Variants in KLHL35 observed in about 807,000 individuals in gnomAD.
KLHL35 encodes kelch-like protein 35.
KLHL35 carries 50 observed loss-of-function variants against 44.0 expected under a neutral mutation model. That is an observed-to-expected ratio of 1.14 (90% CI 0.91 to 1.44). The LOEUF (loss-of-function observed/expected upper bound fraction) is 1.44. Among genes scored for constraint, KLHL35 ranks in the 40% most tolerant of loss-of-function variants. The pLI, the probability that KLHL35 is intolerant of heterozygous loss-of-function variation, is 0.00. For synonymous variants in KLHL35, 470 were observed against 410.4 expected, an observed-to-expected ratio of 1.15 and a Z score of -1.76; for missense variants, 1,049 against 887.8, an observed-to-expected ratio of 1.18 and a Z score of -2.31.
Position 75,428,513 on chromosome 11 carries a change from A to C in KLHL35, c.995T>G (p.Leu332Arg), listed in dbSNP as rs1250635918. 2.0e-5 allele frequency: 33 copies of C among 1,612,338 alleles called. No individual in the cohort carries two copies. Among genetic ancestry groups the C allele is most frequent in the Non-Finnish European group, 2.8e-5 (33 of 1,179,892 alleles). The stretch of plus-strand genomic sequence containing the variant: ...GCGAGTGTAGCCGGGCAGGCTGGGC[A>C]GTGGGGTCCACCGCTGGCTCTCTGG... ...YHPESQRWTPLPSLPGYTRSE... is the reference protein window; with the variant it reads ...YHPESQRWTPRPSLPGYTRSE... Residue 332 changes from leucine to arginine, a missense_variant, in exon 3 of 7, where the codon CTG becomes CGG. Leu to Arg is a moderately radical substitution (Grantham distance 102). Transcript: ENST00000539798.
At chr11:75,422,903 C>T (rs1186126422) in intron 6 of KLHL35, 135 bp from the exon 7 acceptor site, 1 of 750,120 alleles carries the variant, frequency 1.3e-6, no homozygotes, top group Non-Finnish European at 2.2e-6. Flanking sequence ...AGGCAGGAAA[C>T]TGGATGGACC....
chr11:75,425,264 A>G, intron 5 of KLHL35, 129 bp downstream of exon 5: 2 of 1,003,696 alleles, frequency 2.0e-6, no homozygotes, highest in Admixed American at 7.2e-5. Flanking sequence ...CATGGAGGTG[A>G]CTGGTCTGGG....
chr11:75,423,732 G>A lies in KLHL35; in HGVS notation c.1523C>T (p.Thr508Ile). The change falls in exon 6 of 7, where the codon ACA (threonine) becomes ATA (isoleucine). Residue 508 changes from threonine to isoleucine, a missense_variant. By Grantham distance (89) the Thr-to-Ile change is moderately conservative. Coordinates refer to ENST00000539798, the MANE Select transcript of KLHL35 (RefSeq NM_001039548.3). ...MSKIFTYDPG[T>I]DVWGEAAVLP... ...GACAGCTGCCTCCCCCCACACATCT[G>A]TGCCTGGATCATAGGTGAAGATTTT... 2 of 1,613,844 alleles carry A rather than the reference G, an allele frequency of 1.2e-6. No homozygotes were observed. Among genetic ancestry groups the A allele is most frequent in the Non-Finnish European group, 1.7e-6 (2 of 1,179,866 alleles).
At position 75,430,307 on chromosome 11, in the gene KLHL35, T is replaced by C. The variant is rs1167149484; in HGVS notation, c.323A>G (p.Asp108Gly). ...GAAAALAVVL[D>G]YVYGAGVRLR... is the part of the protein sequence containing the mutation. ...CCGCACGCCCGCTCCGTACACGTAG[T>C]CGAGCACCACGGCCAGCGCCGCCGC... Residue 108 changes from aspartate (D) to glycine (G), a missense_variant, in exon 2 of 7, where the codon GAC (aspartate) becomes GGC (glycine). Physicochemically the swap from Asp to Gly is moderately conservative, Grantham distance 94. Transcript: ENST00000539798. 3 of 1,246,280 alleles carry C rather than the reference T, an allele frequency of 2.4e-6. No individual in the cohort carries two copies. In the Admixed American group the frequency reaches 1.3e-4, roughly 53 times the overall value. 77.2% of individuals were successfully genotyped at this position (1,246,280 alleles called of 1,614,324 possible). A position where few individuals can be genotyped will look rare whatever the true frequency, so the allele number is the denominator to read the frequency against.
chr11:75,429,740 C>G lies in KLHL35; in HGVS notation c.881+9G>C, dbSNP rs1168125201. The G allele has an allele frequency of 3.5e-6, 5 of 1,445,496 alleles. No homozygotes were observed. Among genetic ancestry groups the G allele is most frequent in the Non-Finnish European group, 4.5e-6 (5 of 1,106,130 alleles). 89.5% of individuals were successfully genotyped at this position (1,445,496 alleles called of 1,614,324 possible). A position where few individuals can be genotyped will look rare whatever the true frequency, so the allele number is the denominator to read the frequency against. ...CGGAGGGCGGGAAGCTAGGGGATGG[C>G]GGCCCTACCTCCGCGGCCGGGTCCG... On this transcript the variant is annotated intron_variant, in intron 2 of 6. Coordinates refer to ENST00000539798, the MANE Select transcript of KLHL35 (RefSeq NM_001039548.3).
rs1312629727 is a variant in KLHL35, at chr11:75,430,393, C to T, written c.237G>A (p.Pro79=). ...CTACTGGCACCACTGGCACCACGGCCGGGCCGCGCTCGGGCCGCCCGGCCG... is the reference window on the plus strand; with the variant it reads ...CTACTGGCACCACTGGCACCACGGCTGGGCCGCGCTCGGGCCGCCCGGCCG... ...LFAAGRPERG[P]AVVPVVPVAP... is the part of the protein sequence containing the mutation. The change falls in exon 2 of 7, where the codon CCG becomes CCA. Residue 79 remains proline, a synonymous_variant. Transcript: ENST00000539798. 14 of 1,368,874 alleles carry T rather than the reference C, an allele frequency of 1.0e-5. No individual in the cohort carries two copies. The highest frequency in any genetic ancestry group is 1.3e-5 in the Non-Finnish European group (14 of 1,058,490). The allele number at this position is 1,368,874 out of a possible 1,614,324, so 84.8% of individuals were successfully genotyped here.
chr11:75,430,978 C>G (rs1259813348), intron 1 of KLHL35, among the ~76,000 whole-genome samples: 1 of 152,192 alleles, frequency 6.6e-6, no homozygotes, highest in Non-Finnish European at 1.5e-5. Context: ...GTTAGGGACT[C>G]CAGTAGGAGT....
At position 75,430,330 on chromosome 11, in the gene KLHL35, C is replaced by T. The variant is rs1948525815; in HGVS notation, c.300G>A (p.Ala100=). The T allele has an allele frequency of 1.6e-6, 2 of 1,274,920 alleles. No homozygotes were observed. Among genetic ancestry groups the T allele is most frequent in the Non-Finnish European group, 2.0e-6 (2 of 1,010,426 alleles). 79.0% of individuals were successfully genotyped at this position (1,274,920 alleles called of 1,614,324 possible). A position where few individuals can be genotyped will look rare whatever the true frequency, so the allele number is the denominator to read the frequency against. The change falls in exon 2 of 7, where the codon GCG becomes GCA. Residue 100 remains alanine (A), a synonymous_variant. Transcript: ENST00000539798. ...AGTCGAGCACCACGGCCAGCGCCGC[C>T]GCCGCCCCGGCCGGGCTCGTGCCTG... ...EAPGTSPAGA[A]AALAVVLDYV... is the part of the protein sequence containing the mutation.
chr11:75,426,629 A>T lies in KLHL35; in HGVS notation c.1076T>A (p.Ile359Asn). ...RNDVYVSGGH[I>N]NSHDVWMFSS... is the part of the protein sequence containing the mutation. Reference sequence around the variant, plus strand: ...AAACATCCACACATCATGACTGTTGATGTGGCCTCCTAGGGAGAGAGAAGC... The same window carrying T: ...AAACATCCACACATCATGACTGTTGTTGTGGCCTCCTAGGGAGAGAGAAGC... The change falls in exon 4 of 7, where the codon ATC becomes AAC. Residue 359 changes from isoleucine to asparagine, a missense_variant. By Grantham distance (149) the Ile-to-Asn change is moderately radical (BLOSUM62 -3). Coordinates refer to ENST00000539798, the MANE Select transcript of KLHL35 (RefSeq NM_001039548.3). 6.3e-7 allele frequency: 1 copy of T among 1,594,128 alleles called. No individual in the cohort carries two copies. Among genetic ancestry groups the T allele is most frequent in the Non-Finnish European group, 8.5e-7 (1 of 1,171,412 alleles).
At chr11:75,426,719 C>T (rs1246532821) in intron 3 of KLHL35, 81 bp from the exon 4 acceptor site, 4 of 938,176 alleles carry the variant, frequency 4.3e-6, no homozygotes, top group African/African-American at 3.3e-5. Context: ...CTAGGGCCCC[C>T]AGATCCAAAG....
At chr11:75,430,885 T>A (rs1231262431) in intron 1 of KLHL35, among the ~76,000 whole-genome samples, 1 of 152,208 alleles carries the variant, frequency 6.6e-6, no homozygotes. Flanking sequence ...TATCGATATC[T>A]GCAGGTAACA....
chr11:75,429,862 C>A lies in KLHL35; in HGVS notation c.768G>T (p.Val256=). ...LLAPAYFLEK[V]EADELLQACG... ...AGGCCTGCAGCAGCTCGTCCGCCTC[C>A]ACCTTCTCCAGGAAGTAAGCGGGCG... The change falls in exon 2 of 7, where the codon GTG becomes GTT. Residue 256 remains valine (V), a synonymous_variant. Coordinates refer to ENST00000539798, the MANE Select transcript of KLHL35 (RefSeq NM_001039548.3). 6.6e-7 allele frequency: 1 copy of A among 1,520,224 alleles called. No homozygotes were observed. The highest frequency in any genetic ancestry group is 1.2e-5 in the South Asian group (1 of 82,156). The allele number at this position is 1,520,224 out of a possible 1,614,324, so 94.2% of individuals were successfully genotyped here.
rs772864916 is a variant in KLHL35, at chr11:75,429,790, G to A, written c.840C>T (p.Ile280=). Reference sequence around the variant, plus strand: ...GCAGCGCACCGGCCTCGCGGCCCAGGATGAAGCAGGCGCGAGCCTCGAGCA... The same window carrying A: ...GCAGCGCACCGGCCTCGCGGCCCAGAATGAAGCAGGCGCGAGCCTCGAGCA... ...PLLLEARACF[I]LGREAGALRT... is the part of the protein sequence containing the mutation. The change falls in exon 2 of 7, where the codon ATC becomes ATT. Residue 280 remains isoleucine (I), a synonymous_variant. Transcript: ENST00000539798. 4.0e-6 allele frequency: 6 copies of A among 1,512,412 alleles called. No homozygotes were observed. In the South Asian group the frequency reaches 7.3e-5, roughly 18 times the overall value. The allele number at this position is 1,512,412 out of a possible 1,614,324, so 93.7% of individuals were successfully genotyped here.
intron 6 of KLHL35, 130 bp from the exon 7 acceptor site, chr11:75,422,898 G>A (rs1214841682): frequency 1.2e-6 from 1 of 816,606 alleles, no homozygotes; most frequent in South Asian, 1.6e-5. Context: ...TAGAGAGGCA[G>A]GAAACTGGAT....
intron 4 of KLHL35, chr11:75,425,957 C>CT (rs11319241): frequency 0.061 from 9,390 of 153,874 alleles, 370 homozygotes; most frequent in East Asian, 0.21. Context: ...AGATAATTGA[C>CT]TTTTTTTTTT....
chr11:75,428,526 G>C lies in KLHL35; in HGVS notation c.982C>G (p.Arg328Gly). The C allele has an allele frequency of 1.2e-6, 2 of 1,612,148 alleles. No individual in the cohort carries two copies. Among genetic ancestry groups the C allele is most frequent in the Non-Finnish European group, 1.7e-6 (2 of 1,179,842 alleles). Residue 328 changes from arginine to glycine, a missense_variant, in exon 3 of 7, where the codon CGG becomes GGG. By Grantham distance (125) the Arg-to-Gly change is moderately radical. Transcript: ENST00000539798. ...FADAYHPESQ[R>G]WTPLPSLPGY... The stretch of plus-strand genomic sequence containing the variant: ...GGCAGGCTGGGCAGTGGGGTCCACC[G>C]CTGGCTCTCTGGATGGTAGGCATCG...
intron 2 of KLHL35, among the ~76,000 whole-genome samples, chr11:75,428,934 T>G (rs1490915193): frequency 1.3e-5 from 2 of 152,206 alleles, no homozygotes; most frequent in African/African-American, 4.8e-5. Flanking sequence ...GCAGTTCTAT[T>G]AGTAGGGATT....
rs768993352 is a variant in KLHL35, at chr11:75,428,631, C to A, written c.882-5G>T. ...ACTTCAGCTAGGTCCATGAATCTGG[C>A]GTGCGGATAAGCCCAGTGCCTGTTG... On this transcript the variant is annotated splice_region_variant and splice_polypyrimidine_tract_variant and intron_variant, in intron 2 of 6. Transcript: ENST00000539798. 5.1e-6 allele frequency: 8 copies of A among 1,575,054 alleles called. No homozygotes were observed. Among genetic ancestry groups the A allele is most frequent in the South Asian group, 1.2e-5 (1 of 85,158 alleles).
chr11:75,425,328 T>C, intron 5 of KLHL35, 65 bp downstream of exon 5: 3 of 1,453,768 alleles, frequency 2.1e-6, no homozygotes, highest in African/African-American at 1.5e-5. Context: ...CGCCCAATTC[T>C]GCGCCTGGCA....
Sources: gnomAD v4.1 joint callset for allele counts (sites outside exome capture counted in the v4.1 genomes callset) on GRCh38, gnomAD v4.1.1 for gene constraint, MANE v1.5 for transcripts, NCBI Gene and HGNC (gene_info 2026-07-23, HGNC 2026-07-21) for gene names.